Variants in SOX6 observed in about 807,000 individuals in gnomAD.
SOX6 encodes SRY-box transcription factor 6.
A neutral mutation model predicts 97.8 loss-of-function variants in SOX6; 11 were observed. That is an observed-to-expected ratio of 0.11 (90% CI 0.07 to 0.19). The LOEUF (loss-of-function observed/expected upper bound fraction) is 0.19. Ranked by LOEUF, SOX6 falls within the 10% of genes least tolerant of loss-of-function variation. The pLI, the probability that SOX6 is intolerant of heterozygous loss-of-function variation, is 1.00. For synonymous variants in SOX6, 360 were observed against 371.4 expected (o/e 0.97, Z 0.35); for missense variants, 810 against 1,039.5 (o/e 0.78, Z 3.04).
intron 1 of SOX6, among the ~76,000 whole-genome samples, chr11:16,435,438 C>T (rs1195642224): frequency 1.3e-5 from 2 of 152,024 alleles, no homozygotes; most frequent in Non-Finnish European, 2.9e-5. Context: ...TGTAAGTTTC[C>T]CTTTAAGAAT....
chr11:16,626,234 G>A (rs1040616317), intron 3 of SOX6, among the ~76,000 whole-genome samples: 1 of 152,192 alleles, frequency 6.6e-6, no homozygotes, highest in Non-Finnish European at 1.5e-5. Context: ...GATGGAAACA[G>A]GAGTTTTACT....
chr11:16,134,305 C>T (rs1395948404), intron 6 of SOX6, among the ~76,000 whole-genome samples: 3 of 152,152 alleles, frequency 2.0e-5, no homozygotes, highest in Non-Finnish European at 4.4e-5. Context: ...CCTAATGATG[C>T]TGAGATTTTC....
intron 6 of SOX6, among the ~76,000 whole-genome samples, chr11:16,149,872 T>C (rs1037179167): frequency 2.0e-5 from 3 of 152,156 alleles, no homozygotes; most frequent in African/African-American, 7.2e-5. Context: ...GAGGCAATTG[T>C]GGGTACATGT....
At chr11:16,365,429 G>C (rs613453) in intron 1 of SOX6, among the ~76,000 whole-genome samples, 148,654 of 152,044 alleles carry the variant, frequency 0.98, 72,755 homozygotes, top group East Asian at 1. Context: ...ATCAGTCATT[G>C]CACCATGTAA....
chr11:16,307,828 T>C (rs1243223783), intron 3 of SOX6, among the ~76,000 whole-genome samples: 1 of 152,236 alleles, frequency 6.6e-6, no homozygotes. Flanking sequence ...CATCAATTTT[T>C]TTCTAGCCAC....
At chr11:16,056,592 C>T (rs553297619) in intron 9 of SOX6, among the ~76,000 whole-genome samples, 5 of 152,166 alleles carry the variant, frequency 3.3e-5, no homozygotes, top group African/African-American at 7.2e-5. Flanking sequence ...AAACAGATCA[C>T]CACACTTCTC....
At chr11:16,295,803 T>C (rs1265825569) in intron 3 of SOX6, among the ~76,000 whole-genome samples, 2 of 152,126 alleles carry the variant, frequency 1.3e-5, no homozygotes, top group Admixed American at 1.3e-4. Context: ...GGGGTTGCAT[T>C]TCTAGTGTGT....
At chr11:16,735,341 A>G (rs1231582709) in intron 2 of SOX6, among the ~76,000 whole-genome samples, 1 of 152,106 alleles carries the variant, frequency 6.6e-6, no homozygotes, top group Non-Finnish European at 1.5e-5. Context: ...TCCTGCCCAA[A>G]CTGTTTTTTC....
intron 4 of SOX6, among the ~76,000 whole-genome samples, chr11:16,520,055 A>G (rs565836948): frequency 6.6e-6 from 1 of 152,044 alleles, no homozygotes; most frequent in South Asian, 2.1e-4. Context: ...TATTTGTTTT[A>G]TTCTTGTTGA....
chr11:16,721,551 T>TCTCTCTC (rs1491230899), intron 2 of SOX6, among the ~76,000 whole-genome samples: 8 of 4,682 alleles, frequency 1.7e-3, no homozygotes, highest in Admixed American at 5.7e-3. Context: ...TCTCTCTCTC[T>TCTCTCTC]TCCCCCCCCT....
intron 1 of SOX6, chr11:16,434,445 T>C (rs1246439791): frequency 1.3e-5 from 2 of 152,184 alleles, no homozygotes; most frequent in Non-Finnish European, 2.9e-5. Flanking sequence ...GGCTTGCTCT[T>C]TCTTTGAGCT....
chr11:16,622,768 C>T (rs1365678760), intron 3 of SOX6, among the ~76,000 whole-genome samples: 1 of 152,000 alleles, frequency 6.6e-6, no homozygotes, highest in Non-Finnish European at 1.5e-5. Context: ...CTTCTTTTCC[C>T]CTGGATAGAT....
At chr11:16,652,042 A>AAT (rs1441722396) in intron 3 of SOX6, among the ~76,000 whole-genome samples, 1 of 152,196 alleles carries the variant, frequency 6.6e-6, no homozygotes, top group Non-Finnish European at 1.5e-5. Flanking sequence ...TATGCCTAAA[A>AAT]ATATACCTAA....
At chr11:16,496,477 C>G (rs116715374) in intron 4 of SOX6, among the ~76,000 whole-genome samples, 14,823 of 152,218 alleles carry the variant, frequency 0.097, 838 homozygotes, top group Non-Finnish European at 0.13. Flanking sequence ...GGGTGCAGGA[C>G]AGTGGGTGCA....
At chr11:16,151,864 C>A (rs1269181382) in intron 6 of SOX6, among the ~76,000 whole-genome samples, 1 of 152,132 alleles carries the variant, frequency 6.6e-6, no homozygotes, top group Non-Finnish European at 1.5e-5. Flanking sequence ...ACATACATAA[C>A]CAACTGCAAC....
intron 3 of SOX6, among the ~76,000 whole-genome samples, chr11:16,637,272 G>T (rs974491345): frequency 2.6e-5 from 4 of 152,138 alleles, no homozygotes; most frequent in Admixed American, 6.5e-5. Context: ...CCAGGCTGGA[G>T]TGCAGTGGTG....
chr11:16,182,354 A>G (rs370787310), intron 6 of SOX6, among the ~76,000 whole-genome samples: 171 of 151,968 alleles, frequency 1.1e-3, no homozygotes, highest in African/African-American at 3.9e-3. Flanking sequence ...AGAAACAGAG[A>G]GAACTAAACG....
chr11:16,650,389 T>G (rs1035576036), intron 3 of SOX6, among the ~76,000 whole-genome samples: 5 of 152,044 alleles, frequency 3.3e-5, no homozygotes, highest in African/African-American at 9.7e-5. Context: ...CACAAAAGTC[T>G]CAGTAAATTT....
chr11:16,112,218 C>G (rs1030753001), intron 6 of SOX6, among the ~76,000 whole-genome samples: 1 of 152,046 alleles, frequency 6.6e-6, no homozygotes, highest in African/African-American at 2.4e-5. Flanking sequence ...TTCTTTTAAA[C>G]AAAGAACTAG....
Sources: gnomAD v4.1 joint callset for allele counts (sites outside exome capture counted in the v4.1 genomes callset) on GRCh38, gnomAD v4.1.1 for gene constraint, MANE v1.5 for transcripts, NCBI Gene and HGNC (gene_info 2026-07-23, HGNC 2026-07-21) for gene names.